Variants in SLC44A1 observed in about 807,000 individuals in gnomAD.
SLC44A1 encodes the protein choline transporter-like protein 1.
Under a neutral mutation model 79.3 loss-of-function variants are expected in SLC44A1, and 26 were observed. That is an observed-to-expected ratio of 0.33 (90% CI 0.24 to 0.46). SLC44A1 has a LOEUF of 0.46. SLC44A1 is among the 20% of genes least tolerant of loss of function. The pLI is 1.00. For missense variants in SLC44A1, 688 were observed against 798.1 expected, an observed-to-expected ratio of 0.86 and a Z score of 1.66; for synonymous variants, 263 against 286.2, an observed-to-expected ratio of 0.92 and a Z score of 0.82.
rs550818366 is a variant in SLC44A1, at chr9:105,341,290, G to A, written c.406+5591G>A. Among the ~76,000 whole-genome samples the A allele has an allele frequency of 2.7e-5, 4 of 149,142 alleles. No individual in the cohort carries two copies. In the South Asian group the frequency reaches 6.3e-4, roughly 24 times the overall value. ...GTGGAGGTTGCACTGAGCTGAGATC[G>A]TGCCACTGCACTCCAGCCTGGGCAA... On this transcript the variant is annotated intron_variant, in intron 4 of 15. Coordinates refer to ENST00000374720, the MANE Select transcript of SLC44A1 (RefSeq NM_080546.5).
At chr9:105,412,687 C>T (rs1052255827) in intron 15 of SLC44A1, among the ~76,000 whole-genome samples, 11 of 152,058 alleles carry the variant, frequency 7.2e-5, no homozygotes, top group East Asian at 1.9e-4. Context: ...CTGCAACCTC[C>T]GCCCCCTGGG....
At chr9:105,401,847 C>T (rs1172961588), downstream of SLC44A1, among the ~76,000 whole-genome samples, 1 of 152,150 alleles carries the variant, frequency 6.6e-6, no homozygotes, top group Non-Finnish European at 1.5e-5. Context: ...TCTAAATACT[C>T]CCTGATCTTA....
intron 15 of SLC44A1, among the ~76,000 whole-genome samples, chr9:105,416,284 C>T (rs1829169592): frequency 6.7e-6 from 1 of 149,968 alleles, no homozygotes; most frequent in Non-Finnish European, 1.5e-5. Flanking sequence ...ATCAAAGACT[C>T]CAGGCAAGAT....
chr9:105,310,149 C>CT (rs138111575), intron 3 of SLC44A1, among the ~76,000 whole-genome samples: 6,531 of 150,912 alleles, frequency 0.043, 168 homozygotes, highest in Middle Eastern at 0.097. Flanking sequence ...TTCTTTTACT[C>CT]TTTTTTTTTC....
At position 105,362,966 on chromosome 9, in the gene SLC44A1, G is replaced by T. The variant is rs2131413053; in HGVS notation, c.1046G>T (p.Trp349Leu). The T allele has an allele frequency of 6.2e-7, 1 of 1,612,910 alleles. No homozygotes were observed. The highest frequency in any genetic ancestry group is 1.1e-5 in the South Asian group (1 of 90,694). The change falls in exon 9 of 16, where the codon TGG becomes TTG. Residue 349 changes from tryptophan to leucine, a missense_variant. Coordinates refer to ENST00000374720, the MANE Select transcript of SLC44A1 (RefSeq NM_080546.5). Reference protein sequence around the residue: ...FWTFFALVLFWVYWIMTLLFL... With the variant: ...FWTFFALVLFLVYWIMTLLFL... ...ACTTTCTTTGCTCTTGTCTTGTTTT[G>T]GGTGTACTGGATCATGACACTTCTT... is the stretch of plus-strand genomic sequence containing the variant.
chr9:105,316,975 A>G (rs1564433218), intron 3 of SLC44A1, among the ~76,000 whole-genome samples: 1 of 152,178 alleles, frequency 6.6e-6, no homozygotes. Flanking sequence ...GTGGGTTTTG[A>G]AGGCTGAAAT....
chr9:105,279,826 A>T (rs977597046), intron 1 of SLC44A1, among the ~76,000 whole-genome samples: 2 of 152,354 alleles, frequency 1.3e-5, no homozygotes, highest in Admixed American at 6.5e-5. Flanking sequence ...ATACAAAAAA[A>T]AGAAAATCAA....
chr9:105,417,664 T>C (rs1286629583), intron 15 of SLC44A1, among the ~76,000 whole-genome samples: 1 of 152,056 alleles, frequency 6.6e-6, no homozygotes, highest in Non-Finnish European at 1.5e-5. Context: ...GCTAGTCCTT[T>C]CCATTCTTTT....
Position 105,421,656 on chromosome 9 carries a change from C to T in SLC44A1, c.1951-16625C>T, listed in dbSNP as rs113284208. Among the ~76,000 whole-genome samples, 988 of 149,714 alleles carry T rather than the reference C, an allele frequency of 6.6e-3. 9 individuals are homozygous for T. The highest frequency in any genetic ancestry group is 0.023 in the African/African-American group (934 of 40,592). ...TAGGCAGAGTGCAGTGGCGCGATCT[C>T]GGCTCACTGCAAGCTCCGCTTCCTG... On this transcript the variant is annotated intron_variant, in intron 15 of 15. Coordinates refer to the SLC44A1 transcript ENST00000374724.
intron 1 of SLC44A1, among the ~76,000 whole-genome samples, chr9:105,297,079 G>A (rs1275340347): frequency 6.6e-6 from 1 of 152,150 alleles, no homozygotes; most frequent in Non-Finnish European, 1.5e-5. Flanking sequence ...GGTTTTTAAT[G>A]CTAGTTAGAG....
At chr9:105,297,363 T>A (rs1287490389) in intron 1 of SLC44A1, among the ~76,000 whole-genome samples, 2 of 152,212 alleles carry the variant, frequency 1.3e-5, no homozygotes, top group African/African-American at 4.8e-5. Flanking sequence ...ATGAAAATTA[T>A]GTGAATATAT....
rs1484211337 is a variant in SLC44A1 at position 105,341,376 on chromosome 9, A to AATG, written c.406+5678_406+5679insTGA. 9.2e-5 allele frequency among the ~76,000 whole-genome samples: 14 copies of AATG among 151,818 alleles called. 1 individual carries two copies. In the East Asian group the frequency reaches 2.5e-3, roughly 27 times the overall value. ...AGAAAAAGAAAATAATAATAATAAT[A>AATG]AAAGAACTGTGAATGCTAGTACATG... On this transcript the variant is annotated intron_variant, in intron 4 of 15. Transcript: ENST00000374720.
At chr9:105,417,726 G>A (rs913012171) in intron 15 of SLC44A1, among the ~76,000 whole-genome samples, 3 of 151,768 alleles carry the variant, frequency 2.0e-5, no homozygotes, top group East Asian at 1.9e-4. Context: ...GAAGCAGCCA[G>A]GCATGGTGGC....
chr9:105,246,856 C>T lies in SLC44A1; in HGVS notation c.36+1952C>T, dbSNP rs373428771. 2.7e-4 allele frequency among the ~76,000 whole-genome samples: 41 copies of T among 152,322 alleles called. 1 individual carries two copies. In the South Asian group the frequency reaches 8.5e-3, roughly 32 times the overall value. ...TGGGTCTTGCATTTGTCTAGCTCCA[C>T]GTCATACTTTTCAGAATGCTATCGT... On this transcript the variant is annotated intron_variant, in intron 1 of 15. Transcript: ENST00000374720.
chr9:105,391,927 A>G lies in SLC44A1; in HGVS notation c.*2871A>G, dbSNP rs1196926859. On this transcript the variant is annotated 3_prime_UTR_variant, in exon 16 of 16. Coordinates refer to ENST00000374720, the MANE Select transcript of SLC44A1 (RefSeq NM_080546.5). ...GGGGTCCTCTATTGTCAATTGTAGT[A>G]GTGACCAGAGTATCGTGGTTTTTGC... The G allele has an allele frequency of 2.0e-5, 20 of 985,164 alleles. No homozygotes were observed. The highest frequency in any genetic ancestry group is 2.3e-5 in the Non-Finnish European group (19 of 829,836). 61.0% of individuals were successfully genotyped at this position (985,164 alleles called of 1,614,324 possible). A position where few individuals can be genotyped will look rare whatever the true frequency, so the allele number is the denominator to read the frequency against.
At chr9:105,438,317 A>G in exon 16 of SLC44A1, 1 of 1,548,710 alleles carries the variant, frequency 6.5e-7, no homozygotes, top group Non-Finnish European at 8.7e-7. Flanking sequence ...AGCCCTGAAG[A>G]ATGAACTCAG....
At chr9:105,253,631 T>G (rs976949346) in intron 1 of SLC44A1, among the ~76,000 whole-genome samples, 1 of 152,186 alleles carries the variant, frequency 6.6e-6, no homozygotes, top group African/African-American at 2.4e-5. Context: ...CTCAGGAGGC[T>G]GAGGTGGGAG....
At chr9:105,434,233 G>A (rs916746926) in intron 15 of SLC44A1, among the ~76,000 whole-genome samples, 13 of 152,082 alleles carry the variant, frequency 8.5e-5, no homozygotes, top group African/African-American at 3.1e-4. Flanking sequence ...CCAGCTACTT[G>A]GGAGGCTGAG....
Position 105,390,249 on chromosome 9 carries a change from T to C in SLC44A1, c.*1193T>C. 1 of 1,073,458 alleles carries C rather than the reference T, an allele frequency of 9.3e-7. No homozygotes were observed. The highest frequency in any genetic ancestry group is 4.5e-5 in the South Asian group (1 of 22,104). 66.5% of individuals were successfully genotyped at this position (1,073,458 alleles called of 1,614,324 possible). A position where few individuals can be genotyped will look rare whatever the true frequency, so the allele number is the denominator to read the frequency against. ...AATGGCTAATACTCCATTGTTCTGCTTGTTGTAATGGTGAATGCTTTAAGA... is the reference window on the plus strand; with the variant it reads ...AATGGCTAATACTCCATTGTTCTGCCTGTTGTAATGGTGAATGCTTTAAGA... On this transcript the variant is annotated 3_prime_UTR_variant, in exon 16 of 16. Coordinates refer to ENST00000374720, the MANE Select transcript of SLC44A1 (RefSeq NM_080546.5).
Sources: gnomAD v4.1 joint callset for allele counts (sites outside exome capture counted in the v4.1 genomes callset) on GRCh38, gnomAD v4.1.1 for gene constraint, MANE v1.5 for transcripts, NCBI Gene and HGNC (gene_info 2026-07-23, HGNC 2026-07-21) for gene names.